The following FILIP1L variants were observed in gnomAD, a reference collection of about 807,000 sequenced individuals.
FILIP1L encodes the protein filamin A interacting protein 1 like.
In FILIP1L, 55 loss-of-function variants were observed where a neutral mutation model predicts 96.6. The observed-to-expected ratio is 0.57, with a 90% CI of 0.46 to 0.71. The LOEUF is 0.71. Ranked by LOEUF, FILIP1L falls within the 30% of genes least tolerant of loss-of-function variation. The pLI, the probability that FILIP1L is intolerant of heterozygous loss-of-function variation, is 0.00. For missense variants in FILIP1L, 1,304 were observed against 1,321.2 expected (o/e 0.99, Z 0.20); for synonymous variants, 467 against 473.9 (o/e 0.99, Z 0.19).
intron 1 of FILIP1L, among the ~76,000 whole-genome samples, chr3:99,962,978 T>C (rs1708538916): frequency 6.6e-6 from 1 of 152,254 alleles, no homozygotes. Flanking sequence ...CAGGCATTGC[T>C]GCATGGAAGA....
intron 4 of FILIP1L, among the ~76,000 whole-genome samples, chr3:99,851,917 G>C (rs7626245): frequency 0.067 from 10,147 of 152,238 alleles, 398 homozygotes; most frequent in Middle Eastern, 0.085. Flanking sequence ...CATAACATTT[G>C]AGAAGAGCAT....
At chr3:100,093,430 T>C (rs2107439869) in intron 1 of FILIP1L, among the ~76,000 whole-genome samples, 1 of 152,238 alleles carries the variant, frequency 6.6e-6, no homozygotes, top group Non-Finnish European at 1.5e-5. Context: ...TTATTTTTCT[T>C]ACAAAAAATA....
At chr3:99,906,458 C>T (rs2107633738) in intron 4 of FILIP1L, among the ~76,000 whole-genome samples, 1 of 152,254 alleles carries the variant, frequency 6.6e-6, no homozygotes, top group South Asian at 2.1e-4. Flanking sequence ...AAGCAAATAT[C>T]TTCTCCCAAT....
At chr3:99,981,552 G>C (rs552323055) in intron 1 of FILIP1L, among the ~76,000 whole-genome samples, 2 of 152,228 alleles carry the variant, frequency 1.3e-5, no homozygotes, top group African/African-American at 4.8e-5. Flanking sequence ...TCATCACACA[G>C]TGTATATCTA....
intron 1 of FILIP1L, among the ~76,000 whole-genome samples, chr3:99,951,407 A>G (rs1425137778): frequency 6.6e-6 from 1 of 152,114 alleles, no homozygotes; most frequent in Non-Finnish European, 1.5e-5. Flanking sequence ...TACCTTGCGC[A>G]TAGTATGTAC....
chr3:100,063,177 G>C (rs993408569), intron 1 of FILIP1L, among the ~76,000 whole-genome samples: 1 of 152,032 alleles, frequency 6.6e-6, no homozygotes, highest in African/African-American at 2.4e-5. Context: ...CCCACTACTT[G>C]TTGTCCATTT....
At chr3:99,834,818 C>CACTA (rs1338424938) in intron 5 of FILIP1L, among the ~76,000 whole-genome samples, 1 of 152,158 alleles carries the variant, frequency 6.6e-6, no homozygotes, top group Non-Finnish European at 1.5e-5. Flanking sequence ...CTAGTTTTGG[C>CACTA]ACTAACTAGC....
intron 1 of FILIP1L, among the ~76,000 whole-genome samples, chr3:100,052,277 T>A (rs960604668): frequency 7.2e-5 from 11 of 152,202 alleles, no homozygotes; most frequent in African/African-American, 2.7e-4. Flanking sequence ...CATGGCACAG[T>A]CCAGAAACGA....
chr3:99,979,423 A>G (rs941453875), intron 1 of FILIP1L, among the ~76,000 whole-genome samples: 2 of 152,236 alleles, frequency 1.3e-5, no homozygotes, highest in African/African-American at 4.8e-5. Flanking sequence ...TATCATGTCC[A>G]CTTTTCTAAT....
intron 1 of FILIP1L, among the ~76,000 whole-genome samples, chr3:99,941,540 G>T (rs1333488630): frequency 6.6e-6 from 1 of 152,200 alleles, no homozygotes; most frequent in Non-Finnish European, 1.5e-5. Context: ...AGCACAGGAG[G>T]TGTTCAATGG....
At chr3:99,983,505 T>C (rs1709232060) in intron 1 of FILIP1L, among the ~76,000 whole-genome samples, 1 of 105,894 alleles carries the variant, frequency 9.4e-6, no homozygotes, top group African/African-American at 4.1e-5. Context: ...TATATATATA[T>C]ATATGTATAT....
At chr3:99,882,274 T>G (rs1474041768) in intron 4 of FILIP1L, among the ~76,000 whole-genome samples, 1 of 152,226 alleles carries the variant, frequency 6.6e-6, no homozygotes, top group Admixed American at 6.5e-5. Flanking sequence ...CCATTATTTA[T>G]GTAGTTAATT....
intron 4 of FILIP1L, among the ~76,000 whole-genome samples, chr3:99,851,435 C>T (rs143735451): frequency 1.1e-4 from 17 of 152,252 alleles, no homozygotes; most frequent in African/African-American, 3.6e-4. Flanking sequence ...GCTTCAAGGC[C>T]GACCCTACTC....
Position 99,910,505 on chromosome 3 carries a change from G to T in FILIP1L, c.605+13725C>A, listed in dbSNP as rs1706755143. Among the ~76,000 whole-genome samples the T allele has an allele frequency of 1.5e-5, 2 of 136,430 alleles. 1 individual carries two copies. Among genetic ancestry groups the T allele is most frequent in the African/African-American group, 5.0e-5 (2 of 40,036 alleles). 89.5% of individuals were successfully genotyped at this position (136,430 alleles called of 152,430 possible). On this transcript the variant is annotated intron_variant, in intron 4 of 5. Transcript: ENST00000477258. ...AAACACATGTCTTCACAGTTGTTAG[G>T]TGCTAGGTGAAGTGGCAGATGCATG...
At chr3:99,901,978 CAG>C (rs1005822135) in intron 4 of FILIP1L, among the ~76,000 whole-genome samples, 10 of 152,070 alleles carry the variant, frequency 6.6e-5, no homozygotes, top group African/African-American at 1.9e-4. Context: ...AAACAAAACA[CAG>C]AGTGTTTTTT....
chr3:100,088,544 T>G (rs948886954), intron 1 of FILIP1L, among the ~76,000 whole-genome samples: 3 of 152,184 alleles, frequency 2.0e-5, no homozygotes, highest in African/African-American at 7.2e-5. Context: ...TAATAATTCA[T>G]AATAAATTGC....
intron 1 of FILIP1L, among the ~76,000 whole-genome samples, chr3:100,070,984 CT>C (rs2065751835): frequency 1.3e-5 from 2 of 151,042 alleles, no homozygotes; most frequent in South Asian, 4.2e-4. Flanking sequence ...ATGTAATGCC[CT>C]TTTTTTGTTT....
intron 1 of FILIP1L, among the ~76,000 whole-genome samples, chr3:100,080,980 G>A (rs928058518): frequency 3.9e-5 from 6 of 152,200 alleles, no homozygotes; most frequent in African/African-American, 1.4e-4. Context: ...ATAAAAAGGA[G>A]TCATGTATTT....
chr3:99,974,061 G>T (rs1205028242), intron 1 of FILIP1L, among the ~76,000 whole-genome samples: 1 of 152,180 alleles, frequency 6.6e-6, no homozygotes, highest in Non-Finnish European at 1.5e-5. Flanking sequence ...AAGGTTTTCT[G>T]AATATTTTTC....
Sources: allele counts gnomAD v4.1 joint callset (sites outside exome capture counted in the v4.1 genomes callset), GRCh38; gene constraint gnomAD v4.1.1; transcripts MANE v1.5; gene names NCBI Gene and HGNC (gene_info 2026-07-23, HGNC 2026-07-21).